The following PTPRO variants were observed in gnomAD, a reference collection of about 807,000 sequenced individuals.
The protein encoded by PTPRO is receptor-type tyrosine-protein phosphatase O.
Under a neutral mutation model 145.2 loss-of-function variants are expected in PTPRO, and 62 were observed. That is an observed-to-expected ratio of 0.43 (90% confidence interval 0.35 to 0.53). The LOEUF is 0.53. PTPRO is among the 20% of genes least tolerant of loss of function. The pLI is 0.01. For synonymous variants in PTPRO, 565 were observed against 514.7 expected, an observed-to-expected ratio of 1.10 and a Z score of -1.32; for missense variants, 1,345 against 1,482.7, an observed-to-expected ratio of 0.91 and a Z score of 1.53.
chr12:15,463,221 G>A (rs1032864080), intron 1 of PTPRO, among the ~76,000 whole-genome samples: 2 of 151,942 alleles, frequency 1.3e-5, no homozygotes, highest in Non-Finnish European at 2.9e-5. Context: ...TTACTCAAAG[G>A]TTCAGCTTTT....
intron 7 of PTPRO, among the ~76,000 whole-genome samples, chr12:15,513,447 T>C (rs1942510900): frequency 6.6e-6 from 1 of 152,208 alleles, no homozygotes; most frequent in African/African-American, 2.4e-5. Context: ...TCCCAATTTA[T>C]TAATTCAATA....
At chr12:15,523,898 A>G (rs560414420) in intron 10 of PTPRO, among the ~76,000 whole-genome samples, 2 of 152,134 alleles carry the variant, frequency 1.3e-5, no homozygotes, top group East Asian at 3.9e-4. Context: ...CCTGGGCTCA[A>G]ATAGTCCTCC....
intron 23 of PTPRO, 40 bp downstream of exon 23, chr12:15,581,841 G>C: frequency 6.2e-7 from 1 of 1,612,520 alleles, no homozygotes; most frequent in Non-Finnish European, 8.5e-7. Flanking sequence ...TCCCTATGCT[G>C]ACACCTGCTG....
At chr12:15,489,126 T>A (rs1343930171) in intron 2 of PTPRO, among the ~76,000 whole-genome samples, 1 of 152,176 alleles carries the variant, frequency 6.6e-6, no homozygotes, top group East Asian at 1.9e-4. Context: ...ACCAAAGAAA[T>A]AAAGATAGAT....
chr12:15,588,445 A>T (rs1944475338), intron 24 of PTPRO, among the ~76,000 whole-genome samples: 1 of 152,164 alleles, frequency 6.6e-6, no homozygotes. Flanking sequence ...AACACATAGA[A>T]CTAGGGACTG....
intron 1 of PTPRO, among the ~76,000 whole-genome samples, chr12:15,425,819 G>A (rs1359169622): frequency 6.6e-6 from 1 of 151,634 alleles, no homozygotes; most frequent in Non-Finnish European, 1.5e-5. Context: ...TCTAATTACT[G>A]TTACTTTTTA....
chr12:15,506,291 A>G (rs1049813269), intron 6 of PTPRO, among the ~76,000 whole-genome samples: 2 of 152,176 alleles, frequency 1.3e-5, no homozygotes, highest in Non-Finnish European at 2.9e-5. Flanking sequence ...GAGGTAAATT[A>G]ATCAGATTTT....
chr12:15,457,170 C>T (rs965217167), intron 1 of PTPRO, among the ~76,000 whole-genome samples: 4 of 152,152 alleles, frequency 2.6e-5, no homozygotes, highest in Non-Finnish European at 5.9e-5. Flanking sequence ...GTGCTTTGCT[C>T]GGGGCTCTTG....
intron 6 of PTPRO, among the ~76,000 whole-genome samples, chr12:15,504,911 A>G (rs1289190793): frequency 6.6e-6 from 1 of 152,214 alleles, no homozygotes; most frequent in African/African-American, 2.4e-5. Context: ...TGTTGAAAAT[A>G]TCCCATATAA....
chr12:15,446,250 C>T (rs751681210), intron 1 of PTPRO, among the ~76,000 whole-genome samples: 8 of 152,134 alleles, frequency 5.3e-5, no homozygotes, highest in Admixed American at 3.9e-4. Flanking sequence ...TCAAATTTTA[C>T]TAATGTAAAC....
chr12:15,556,420 A>G (rs1943626878), intron 15 of PTPRO, among the ~76,000 whole-genome samples: 1 of 152,134 alleles, frequency 6.6e-6, no homozygotes, highest in Non-Finnish European at 1.5e-5. Context: ...AATGAGATAC[A>G]TGAGCCCCAA....
intron 1 of PTPRO, among the ~76,000 whole-genome samples, chr12:15,416,721 CTTT>C (rs35515527): frequency 4.2e-5 from 6 of 141,946 alleles, no homozygotes; most frequent in Admixed American, 7.0e-5. Context: ...CCACTTCCTT[CTTT>C]TTTTTTTTTT....
intron 4 of PTPRO, among the ~76,000 whole-genome samples, chr12:15,500,251 GA>G (rs748919027): frequency 3.3e-5 from 5 of 152,290 alleles, no homozygotes; most frequent in Non-Finnish European, 7.3e-5. Flanking sequence ...TGAGCATCAG[GA>G]AGGGATTATG....
At chr12:15,385,811 C>CAAAAAAAAA (rs761750012) in intron 1 of PTPRO, among the ~76,000 whole-genome samples, 20 of 36,988 alleles carry the variant, frequency 5.4e-4, no homozygotes, top group Non-Finnish European at 8.6e-4. Context: ...GACTCCATCT[C>CAAAAAAAAA]AAAAAAAAAA....
chr12:15,450,372 G>GCCC (rs1941013913), intron 1 of PTPRO, among the ~76,000 whole-genome samples: 1 of 152,160 alleles, frequency 6.6e-6, no homozygotes, highest in Non-Finnish European at 1.5e-5. Context: ...TTGGTTTCTA[G>GCCC]CCCTTCATCC....
At position 15,508,659 on chromosome 12, in the gene PTPRO, C is replaced by G; in HGVS notation, c.1356C>G (p.Ser452=). The change falls in exon 7 of 27, where the codon TCC becomes TCG. Residue 452 remains serine (S), a synonymous_variant. Coordinates refer to ENST00000281171, the MANE Select transcript of PTPRO (RefSeq NM_030667.3). ...HVLSSTTALM[S]WTSSQENYNS... ...TAAGCTCAACCACTGCCTTGATGTC[C>G]TGGACATCTTCCCAAGAGAACTACA... The G allele has an allele frequency of 6.2e-7, 1 of 1,614,104 alleles. No homozygotes were observed. The highest frequency in any genetic ancestry group is 8.5e-7 in the Non-Finnish European group (1 of 1,179,990).
chr12:15,508,479 G>A lies in PTPRO; in HGVS notation c.1268-92G>A, dbSNP rs994619391. The A allele has an allele frequency of 6.0e-6, 8 of 1,327,198 alleles. No individual in the cohort carries two copies. In the African/African-American group the frequency reaches 1.2e-4, roughly 19 times the overall value. 82.2% of individuals were successfully genotyped at this position (1,327,198 alleles called of 1,614,324 possible). On this transcript the variant is annotated intron_variant, in intron 6 of 26. Transcript: ENST00000281171. ...TCTTTCTTTGAATCTCATTGTAAGGGCAAAAAGAAAACATGATTTTTTAAA... is the reference window on the plus strand; with the variant it reads ...TCTTTCTTTGAATCTCATTGTAAGGACAAAAAGAAAACATGATTTTTTAAA...
Position 15,322,577 on chromosome 12 carries a change from G to T in PTPRO, c.-150G>T. 1 of 713,050 alleles carries T rather than the reference G, an allele frequency of 1.4e-6. No individual in the cohort carries two copies. The highest frequency in any genetic ancestry group is 2.7e-5 in the East Asian group (1 of 36,946). The allele number at this position is 713,050 out of a possible 1,614,324, so 44.2% of individuals were successfully genotyped here. ...CGGGCGCAGAGGAGGAAAGGGAGCA[G>T]GCGCAGGGGGACTGGAAAGGCAGCA... On this transcript the variant is annotated 5_prime_UTR_variant, in exon 1 of 27. It adds an upstream start codon to the 5' untranslated region. Coordinates refer to ENST00000281171, the MANE Select transcript of PTPRO (RefSeq NM_030667.3). The surrounding 1 kb of genome is among the most constrained non-coding windows in gnomAD (Gnocchi z 6.3).
At chr12:15,484,475 A>G (rs1941845510) in intron 2 of PTPRO, among the ~76,000 whole-genome samples, 2 of 152,172 alleles carry the variant, frequency 1.3e-5, no homozygotes, top group African/African-American at 4.8e-5. Flanking sequence ...GTAAACCTCA[A>G]TGATGTAGTA....
Sources: allele counts gnomAD v4.1 joint callset (sites outside exome capture counted in the v4.1 genomes callset), GRCh38; gene constraint gnomAD v4.1.1; non-coding constraint Gnocchi (gnomAD v3.1); transcripts MANE v1.5; gene names NCBI Gene and HGNC (gene_info 2026-07-23, HGNC 2026-07-21).